Variants in RNF150 observed in about 807,000 individuals in gnomAD.
The protein encoded by RNF150 is ring finger protein 150.
Under a neutral mutation model 39.3 loss-of-function variants are expected in RNF150, and 24 were observed. The observed-to-expected ratio is 0.61, with a 90% CI of 0.44 to 0.86. The LOEUF is 0.86. Ranked by LOEUF, RNF150 falls within the 40% of genes least tolerant of loss-of-function variation. The pLI, the probability that RNF150 is intolerant of heterozygous loss-of-function variation, is 0.00. For missense variants in RNF150, 502 were observed against 587.8 expected, an observed-to-expected ratio of 0.85 and a Z score of 1.51; for synonymous variants, 255 against 227.3, an observed-to-expected ratio of 1.12 and a Z score of -1.10.
intron 6 of RNF150, among the ~76,000 whole-genome samples, chr4:140,906,300 A>C (rs1730370147): frequency 6.6e-6 from 1 of 152,124 alleles, no homozygotes; most frequent in African/African-American, 2.4e-5. Context: ...ATGGCTCAAA[A>C]ATACTCAAGG....
chr4:140,986,262 T>A (rs1734011699), intron 1 of RNF150, among the ~76,000 whole-genome samples: 1 of 152,052 alleles, frequency 6.6e-6, no homozygotes, highest in South Asian at 2.1e-4. Flanking sequence ...AAAGACAGAA[T>A]AAGGCAATTA....
chr4:140,998,384 G>T (rs1734461898), intron 1 of RNF150, among the ~76,000 whole-genome samples: 1 of 152,180 alleles, frequency 6.6e-6, no homozygotes, highest in African/African-American at 2.4e-5. Context: ...ACACACAGAG[G>T]CAAGGCCACA....
chr4:140,924,124 A>G (rs1163823943), intron 5 of RNF150, among the ~76,000 whole-genome samples: 1 of 152,016 alleles, frequency 6.6e-6, no homozygotes, highest in Non-Finnish European at 1.5e-5. Context: ...AGTATAATTA[A>G]AAAAAAATCT....
Position 141,132,804 on chromosome 4 carries a change from G to A in RNF150, c.5C>T (p.Ala2Val), listed in dbSNP as rs2111112692. Residue 2 changes from alanine (A) to valine (V), a missense_variant, in exon 1 of 7, where the codon GCA (alanine) becomes GTA (valine). Ala to Val is a moderately conservative substitution (Grantham distance 64). Transcript: ENST00000515673. This position sits in a 1 kb window ranked among gnomAD's most constrained non-coding sequence, Gnocchi z 4.9. ...GCAGCACGCTTGGATGAGAGACATT[G>A]CCATCTTTATCCGCCGGGGCCCCCT... M[A>V]MSLIQACCSL... The A allele has an allele frequency of 6.2e-7, 1 of 1,606,434 alleles. No individual in the cohort carries two copies. The highest frequency in any genetic ancestry group is 1.1e-5 in the South Asian group (1 of 90,890).
At chr4:141,014,305 G>T (rs372885492) in intron 1 of RNF150, among the ~76,000 whole-genome samples, 1 of 152,180 alleles carries the variant, frequency 6.6e-6, no homozygotes, top group Non-Finnish European at 1.5e-5. Flanking sequence ...ATGAACATAG[G>T]AGTGCAGATA....
At chr4:141,123,383 A>G (rs1448234096) in intron 1 of RNF150, among the ~76,000 whole-genome samples, 1 of 152,154 alleles carries the variant, frequency 6.6e-6, no homozygotes, top group African/African-American at 2.4e-5. Flanking sequence ...AGGAATTCAG[A>G]AGTAATTAGA....
chr4:141,200,642 A>C (rs755917944), intron 1 of RNF150, among the ~76,000 whole-genome samples: 2 of 152,172 alleles, frequency 1.3e-5, no homozygotes, highest in Non-Finnish European at 2.9e-5. Context: ...TTAGGGCTTC[A>C]TTTTATGAAT....
chr4:140,880,942 T>A (rs1349514903), intron 6 of RNF150, among the ~76,000 whole-genome samples: 1 of 152,172 alleles, frequency 6.6e-6, no homozygotes, highest in Non-Finnish European at 1.5e-5. Context: ...TCAATTTGGT[T>A]GATCCTTTCA....
At chr4:141,115,750 G>A (rs1050338394) in intron 1 of RNF150, among the ~76,000 whole-genome samples, 3 of 152,120 alleles carry the variant, frequency 2.0e-5, no homozygotes, top group Non-Finnish European at 4.4e-5. Flanking sequence ...TATACTACAA[G>A]GCTACAGTAA....
intron 1 of RNF150, among the ~76,000 whole-genome samples, chr4:141,195,015 A>T (rs1274457007): frequency 1.3e-5 from 2 of 152,116 alleles, no homozygotes; most frequent in Non-Finnish European, 2.9e-5. Context: ...TATGTAAGAT[A>T]AGTACAGATC....
chr4:140,994,517 G>T (rs1734298852), intron 1 of RNF150, among the ~76,000 whole-genome samples: 1 of 152,150 alleles, frequency 6.6e-6, no homozygotes, highest in Admixed American at 6.5e-5. Flanking sequence ...TATTTAAGCA[G>T]CCCTAACAAA....
intron 1 of RNF150, among the ~76,000 whole-genome samples, chr4:141,207,970 A>T (rs1404390166): frequency 6.6e-6 from 1 of 152,216 alleles, no homozygotes; most frequent in East Asian, 1.9e-4. Context: ...GAAAACAAAA[A>T]AAAGCGTTGA....
At chr4:141,180,723 A>G (rs764718876) in intron 1 of RNF150, among the ~76,000 whole-genome samples, 5 of 152,202 alleles carry the variant, frequency 3.3e-5, no homozygotes, top group Non-Finnish European at 5.9e-5. Context: ...TGGTACATTA[A>G]GCAGATAAGC....
At chr4:140,945,916 A>G (rs1005974304) in intron 4 of RNF150, among the ~76,000 whole-genome samples, 9 of 152,172 alleles carry the variant, frequency 5.9e-5, no homozygotes, top group African/African-American at 1.9e-4. Flanking sequence ...GAGGCTTTAT[A>G]AAACCTTTAA....
intron 5 of RNF150, among the ~76,000 whole-genome samples, chr4:140,921,831 C>T (rs544487925): frequency 9.2e-5 from 14 of 152,122 alleles, no homozygotes; most frequent in East Asian, 5.8e-4. Flanking sequence ...AATCAATAAA[C>T]GTAATCCAGC....
At chr4:140,950,777 G>A (rs578164565) in intron 2 of RNF150, among the ~76,000 whole-genome samples, 128 of 152,312 alleles carry the variant, frequency 8.4e-4, no homozygotes, top group South Asian at 2.5e-3. Flanking sequence ...TAGCAGAAAA[G>A]GAGATGTTTT....
At chr4:141,039,125 G>A (rs868406508) in intron 1 of RNF150, among the ~76,000 whole-genome samples, 8 of 152,226 alleles carry the variant, frequency 5.3e-5, no homozygotes, top group African/African-American at 1.4e-4. Context: ...ATAAGGCAGA[G>A]GTCTCAGGAA....
At chr4:141,112,826 C>T (rs1053299807) in intron 1 of RNF150, among the ~76,000 whole-genome samples, 1 of 152,100 alleles carries the variant, frequency 6.6e-6, no homozygotes, top group Admixed American at 6.6e-5. Context: ...TATTTTCCAA[C>T]TTGGTTTCAT....
At chr4:141,149,616 C>T (rs548124182) in intron 1 of RNF150, among the ~76,000 whole-genome samples, 1 of 152,260 alleles carries the variant, frequency 6.6e-6, no homozygotes, top group South Asian at 2.1e-4. Flanking sequence ...TATATACCAC[C>T]CTATCTTTAT....
Sources: allele counts gnomAD v4.1 joint callset (sites outside exome capture counted in the v4.1 genomes callset), GRCh38; gene constraint gnomAD v4.1.1; non-coding constraint Gnocchi (gnomAD v3.1); transcripts MANE v1.5; gene names NCBI Gene and HGNC (gene_info 2026-07-23, HGNC 2026-07-21).